The following PDXDC1 variants were observed in gnomAD, a reference collection of about 807,000 sequenced individuals.
The protein encoded by PDXDC1 is pyridoxal-dependent decarboxylase domain-containing protein 1.
PDXDC1 carries 42 observed loss-of-function variants against 100.1 expected under a neutral mutation model. The observed-to-expected ratio is 0.42, with a 90% CI of 0.33 to 0.54. The LOEUF is 0.54. Among genes scored for constraint, PDXDC1 ranks in the 20% least tolerant of loss-of-function variants. The probability of loss-of-function intolerance (pLI) is 0.10; values close to 1 mark genes in which losing one functional copy is unlikely to be tolerated. For synonymous variants in PDXDC1, 260 were observed against 371.7 expected, an observed-to-expected ratio of 0.70 and a Z score of 3.46; for missense variants, 636 against 979.2, an observed-to-expected ratio of 0.65 and a Z score of 4.68.
At chr16:14,978,646 T>G (rs1967252095) in intron 1 of PDXDC1, among the ~76,000 whole-genome samples, 1 of 152,296 alleles carries the variant, frequency 6.6e-6, no homozygotes, top group Non-Finnish European at 1.5e-5. Context: ...CCTCTTGCCT[T>G]AGCCTCCCAA....
chr16:15,146,332 A>T, the PDXDC1 span, among the ~76,000 whole-genome samples: 1 of 152,172 alleles, frequency 6.6e-6, no homozygotes, highest in Non-Finnish European at 1.5e-5. Context: ...GCACACCGCC[A>T]CCACCTAACA....
chr16:15,026,679 A>G lies in PDXDC1; in HGVS notation c.1177A>G (p.Arg393Gly). 6.2e-7 allele frequency: 1 copy of G among 1,613,978 alleles called. No homozygotes were observed. Among genetic ancestry groups the G allele is most frequent in the South Asian group, 1.1e-5 (1 of 91,074 alleles). The change falls in exon 14 of 23, where the codon AGA becomes GGA. Residue 393 changes from arginine (R) to glycine (G), a missense_variant. By Grantham distance (125) the Arg-to-Gly change is moderately radical (BLOSUM62 -2). Transcript: ENST00000396410. Reference protein sequence around the residue: ...DELSSPVVVFRFFQELPGSDP... With the variant: ...DELSSPVVVFGFFQELPGSDP... ...GCTCAGCTCCCCAGTGGTGGTGTTCAGATTTTTCCAGGAATTACCAGGCTC... is the reference window on the plus strand; with the variant it reads ...GCTCAGCTCCCCAGTGGTGGTGTTCGGATTTTTCCAGGAATTACCAGGCTC...
At chr16:15,125,553 C>G (rs2151902113) in intron 16 of PDXDC1, 2 of 1,578,024 alleles carry the variant, frequency 1.3e-6, no homozygotes, top group Admixed American at 1.7e-5. Flanking sequence ...GAACCCACCT[C>G]TTAGAATCAT....
At chr16:15,044,550 A>G in intron 16 of PDXDC1, 1 of 656,002 alleles carries the variant, frequency 1.5e-6, no homozygotes, top group Middle Eastern at 4.0e-4. Flanking sequence ...CCGCAAAAGA[A>G]AGTATCGGCA....
rs372541868 is a variant in PDXDC1, at chr16:15,122,778, G to C, written c.1400-16101G>C. On this transcript the variant is annotated intron_variant, in intron 16 of 16. Coordinates refer to the PDXDC1 transcript ENST00000535621. Reference sequence around the variant, plus strand: ...CAGAGGTGGAGGTGGCTTAGGGCAGGGGGGAGGGAAGGGGACGGGGACTGG... The same window carrying C: ...CAGAGGTGGAGGTGGCTTAGGGCAGCGGGGAGGGAAGGGGACGGGGACTGG... 1.5e-3 allele frequency among the ~76,000 whole-genome samples: 207 copies of C among 142,594 alleles called. 5 individuals are homozygous for C. The East Asian group carries it at 0.041, about 28-fold the overall frequency. 93.5% of individuals were successfully genotyped at this position (142,594 alleles called of 152,430 possible). A position where few individuals can be genotyped will look rare whatever the true frequency, so the allele number is the denominator to read the frequency against.
At chr16:15,024,600 A>G (rs1251344575) in intron 13 of PDXDC1, among the ~76,000 whole-genome samples, 1 of 152,230 alleles carries the variant, frequency 6.6e-6, no homozygotes, top group African/African-American at 2.4e-5. Context: ...TTTAGTAGAG[A>G]TGGGGTTTCA....
chr16:15,038,012 C>G lies in PDXDC1; in HGVS notation c.*1737C>G. On this transcript the variant is annotated 3_prime_UTR_variant, in exon 23 of 23. Coordinates refer to ENST00000396410, the MANE Select transcript of PDXDC1 (RefSeq NM_015027.4). Reference sequence around the variant, plus strand: ...GTCTGTCAGGCCAAGAAGGTGCTTTCTTTGGTAATTCATGTTTTTTAACTT... The same window carrying G: ...GTCTGTCAGGCCAAGAAGGTGCTTTGTTTGGTAATTCATGTTTTTTAACTT... The G allele has an allele frequency of 6.3e-7, 1 of 1,599,714 alleles. No homozygotes were observed. The highest frequency in any genetic ancestry group is 8.5e-7 in the Non-Finnish European group (1 of 1,170,770).
At chr16:15,011,845 G>A (rs561530232) in intron 8 of PDXDC1, among the ~76,000 whole-genome samples, 2 of 152,318 alleles carry the variant, frequency 1.3e-5, no homozygotes, top group East Asian at 3.9e-4. Flanking sequence ...TGTATTTTTA[G>A]TAGAGACGAG....
chr16:15,023,193 A>G (rs2151556422), intron 13 of PDXDC1, among the ~76,000 whole-genome samples: 1 of 152,406 alleles, frequency 6.6e-6, no homozygotes, highest in African/African-American at 2.4e-5. Flanking sequence ...GAAAGAGAAA[A>G]GCAAATGGCC....
chr16:15,131,598 A>T, intron 16 of PDXDC1: 1 of 1,603,998 alleles, frequency 6.2e-7, no homozygotes, highest in East Asian at 2.2e-5. Context: ...GCATGAGGGC[A>T]GAGGTCAGGT....
intron 1 of PDXDC1, among the ~76,000 whole-genome samples, chr16:14,982,022 G>A (rs1214666231): frequency 6.6e-6 from 1 of 152,264 alleles, no homozygotes; most frequent in Non-Finnish European, 1.5e-5. Flanking sequence ...TAGAGACAGG[G>A]TTTCATCATG....
chr16:15,035,719 T>C (rs2043389983), intron 22 of PDXDC1, among the ~76,000 whole-genome samples, 166 bp downstream of exon 22: 1 of 152,124 alleles, frequency 6.6e-6, no homozygotes, highest in Non-Finnish European at 1.5e-5. Context: ...CTTGAAGAAA[T>C]CCCACGGTAG....
intron 16 of PDXDC1, among the ~76,000 whole-genome samples, chr16:15,096,535 C>G (rs533010417): frequency 3.3e-5 from 5 of 152,196 alleles, no homozygotes; most frequent in Admixed American, 1.3e-4. Flanking sequence ...TCATCTGTGT[C>G]TCAAGGACAG....
At chr16:15,024,639 T>C (rs1323464855) in intron 13 of PDXDC1, among the ~76,000 whole-genome samples, 1 of 152,242 alleles carries the variant, frequency 6.6e-6, no homozygotes, top group East Asian at 1.9e-4. Context: ...TCTTGAACTC[T>C]TGACCTCGTG....
At position 15,031,560 on chromosome 16, in the gene PDXDC1, C is replaced by G. The variant is rs959931624; in HGVS notation, c.1400-175C>G. On this transcript the variant is annotated intron_variant, in intron 16 of 22. Transcript: ENST00000396410. ...CTGCTACAGCCAGCTGTGTCTGTTTCTAACCCTAATTCTTCCATATCTGTG... is the reference window on the plus strand; with the variant it reads ...CTGCTACAGCCAGCTGTGTCTGTTTGTAACCCTAATTCTTCCATATCTGTG... 5.9e-5 allele frequency among the ~76,000 whole-genome samples: 9 copies of G among 152,180 alleles called. 1 individual carries two copies. Among genetic ancestry groups the G allele is most frequent in the Admixed American group, 5.9e-4 (9 of 15,278 alleles).
chr16:15,061,798 A>C (rs1248719167), intron 16 of PDXDC1: 2 of 1,614,190 alleles, frequency 1.2e-6, no homozygotes. Flanking sequence ...CACTACTTGA[A>C]GGACTTCGGA....
chr16:15,137,658 C>G (rs575480773), intron 16 of PDXDC1: 118 of 1,263,216 alleles, frequency 9.3e-5, no homozygotes, highest in Middle Eastern at 5.2e-4. Flanking sequence ...GGAGCCCCCC[C>G]CCAGAGAGGC....
At chr16:15,064,290 C>G (rs1176616150) in intron 16 of PDXDC1, among the ~76,000 whole-genome samples, 1 of 152,142 alleles carries the variant, frequency 6.6e-6, no homozygotes, top group Non-Finnish European at 1.5e-5. Flanking sequence ...ATTCTCCTGC[C>G]TCAGCCTCCC....
intron 16 of PDXDC1, among the ~76,000 whole-genome samples, chr16:15,104,086 T>C (rs1358307820): frequency 2.4e-5 from 1 of 40,820 alleles, no homozygotes; most frequent in African/African-American, 9.9e-5. Flanking sequence ...GCAGGAGGAT[T>C]GCTTGAAGCC....
Sources: gnomAD v4.1 joint callset for allele counts (sites outside exome capture counted in the v4.1 genomes callset) on GRCh38, gnomAD v4.1.1 for gene constraint, MANE v1.5 for transcripts, NCBI Gene and HGNC (gene_info 2026-07-23, HGNC 2026-07-21) for gene names.